The following XPO4 variants were observed in gnomAD, a reference collection of about 807,000 sequenced individuals.
XPO4 encodes exportin 4.
A neutral mutation model predicts 143.0 loss-of-function variants in XPO4; 39 were observed. The ratio of observed to expected loss-of-function variants is 0.27; its 90% confidence interval spans 0.21 to 0.36. The LOEUF (loss-of-function observed/expected upper bound fraction) is 0.36. Among genes scored for constraint, XPO4 ranks in the 10% least tolerant of loss-of-function variants. The pLI is 1.00. For missense variants in XPO4, 907 were observed against 1,348.0 expected (o/e 0.67, Z 5.12); for synonymous variants, 439 against 474.0 (o/e 0.93, Z 0.96).
chr13:20,809,138 T>C lies in XPO4; in HGVS notation c.1438A>G (p.Ser480Gly). Residue 480 changes from serine to glycine, a missense_variant, in exon 11 of 23, where the codon AGT (serine) becomes GGT (glycine). Transcript: ENST00000255305. The stretch of plus-strand genomic sequence containing the variant: ...GCAATTCTTCCTAGCATTCCTACAC[T>C]GGCCAGTTGATCAGAAAACTGGTCT... ...DRDQFSDQLA[S>G]VGMLGRIAAE... 1 of 1,614,206 alleles carries C rather than the reference T, an allele frequency of 6.2e-7. No homozygotes were observed. The highest frequency in any genetic ancestry group is 1.1e-5 in the South Asian group (1 of 91,086).
intron 6 of XPO4, among the ~76,000 whole-genome samples, chr13:20,835,377 C>T (rs2059903529): frequency 2.0e-5 from 3 of 152,174 alleles, no homozygotes; most frequent in African/African-American, 7.2e-5. Context: ...ACTTCTACCA[C>T]TGTGTTCCTC....
At chr13:20,852,330 T>C (rs905613756) in intron 4 of XPO4, 33 of 985,304 alleles carry the variant, frequency 3.3e-5, no homozygotes, top group African/African-American at 8.7e-5. Context: ...ATTCAGGGCA[T>C]TGGGGGCAAG....
At chr13:20,810,113 A>C in intron 9 of XPO4, 146 bp from the exon 10 acceptor site, 1 of 560,986 alleles carries the variant, frequency 1.8e-6, no homozygotes, top group South Asian at 5.4e-5. Flanking sequence ...ACTTTCTAAA[A>C]TCTTTCTAAG....
intron 6 of XPO4, among the ~76,000 whole-genome samples, chr13:20,828,004 A>C (rs2059805332): frequency 6.6e-6 from 1 of 152,186 alleles, no homozygotes; most frequent in African/African-American, 2.4e-5. Context: ...TTGGGAGGCC[A>C]AGGCAGGCGG....
chr13:20,888,011 C>T (rs558036857), intron 1 of XPO4, among the ~76,000 whole-genome samples: 1 of 150,948 alleles, frequency 6.6e-6, no homozygotes, highest in Non-Finnish European at 1.5e-5. Context: ...CCTGTCTCTA[C>T]GAAAAATAGA....
intron 2 of XPO4, 99 bp from the exon 3 acceptor site, chr13:20,862,957 T>C (rs2060215343): frequency 1.3e-6 from 2 of 1,550,866 alleles, no homozygotes; most frequent in East Asian, 4.5e-5. Context: ...AGACAAGGAA[T>C]AAGATGGTTA....
At chr13:20,817,704 C>T (rs2059667303) in intron 9 of XPO4, among the ~76,000 whole-genome samples, 1 of 152,178 alleles carries the variant, frequency 6.6e-6, no homozygotes, top group Admixed American at 6.5e-5. Context: ...TAGTCATATT[C>T]TCCTTGAATT....
chr13:20,841,063 A>C (rs1403676941), intron 6 of XPO4, among the ~76,000 whole-genome samples: 1 of 152,192 alleles, frequency 6.6e-6, no homozygotes, highest in Non-Finnish European at 1.5e-5. Flanking sequence ...TCTTTTTATA[A>C]AATAGTCACT....
At chr13:20,815,396 G>A (rs1444029428) in intron 9 of XPO4, among the ~76,000 whole-genome samples, 1 of 152,146 alleles carries the variant, frequency 6.6e-6, no homozygotes, top group African/African-American at 2.4e-5. Flanking sequence ...GTGAGGGTGG[G>A]GAGGCTGCAT....
chr13:20,887,716 C>T (rs1473755956), intron 1 of XPO4, among the ~76,000 whole-genome samples: 1 of 151,718 alleles, frequency 6.6e-6, no homozygotes, highest in South Asian at 2.1e-4. Context: ...TTTCAATTAG[C>T]CTGGCGTGGT....
Position 20,778,080 on chromosome 13 carries a change from G to A in XPO4, c.*5642C>T, listed in dbSNP as rs2059103902. 6.6e-6 allele frequency: 1 copy of A among 152,130 alleles called. No individual in the cohort carries two copies. The highest frequency in any genetic ancestry group is 1.5e-5 in the Non-Finnish European group (1 of 68,020). The allele number at this position is 152,130 out of a possible 1,614,324, so 9.4% of individuals were successfully genotyped here. On this transcript the variant is annotated 3_prime_UTR_variant, in exon 23 of 23. Coordinates refer to ENST00000255305, the MANE Select transcript of XPO4 (RefSeq NM_022459.5). ...AGCCTGTCAAAGGCATCACTCATAAGCAACCGAATTGTATTTTTGGAGAGC... is the reference window on the plus strand; with the variant it reads ...AGCCTGTCAAAGGCATCACTCATAAACAACCGAATTGTATTTTTGGAGAGC...
chr13:20,873,881 A>T (rs2060327152), intron 1 of XPO4, among the ~76,000 whole-genome samples: 1 of 152,174 alleles, frequency 6.6e-6, no homozygotes, highest in East Asian at 1.9e-4. Context: ...ATTAACAACA[A>T]CATCTACTAC....
intron 6 of XPO4, 42 bp from the exon 7 acceptor site, chr13:20,827,221 T>C: frequency 7.1e-7 from 1 of 1,404,232 alleles, no homozygotes; most frequent in Non-Finnish European, 1.0e-6. Context: ...ATTCTTACTT[T>C]GTCTAAAGTA....
rs145973621 is a variant in XPO4 at position 20,839,179 on chromosome 13, G to A, written c.727+3716C>T. Reference sequence around the variant, plus strand: ...CTCAGGAGGCTGAGGCAGGAGAATCGCCTGCACCCAGAAGGCAGAGGTTGC... The same window carrying A: ...CTCAGGAGGCTGAGGCAGGAGAATCACCTGCACCCAGAAGGCAGAGGTTGC... On this transcript the variant is annotated intron_variant, in intron 6 of 22. Coordinates refer to ENST00000255305, the MANE Select transcript of XPO4 (RefSeq NM_022459.5). 6.3e-3 allele frequency among the ~76,000 whole-genome samples: 960 copies of A among 152,208 alleles called. 15 individuals carry two copies. The highest frequency in any genetic ancestry group is 0.022 in the African/African-American group (906 of 41,510).
chr13:20,847,262 T>C (rs1017176532), intron 4 of XPO4, among the ~76,000 whole-genome samples: 5 of 152,212 alleles, frequency 3.3e-5, no homozygotes, highest in African/African-American at 1.2e-4. Context: ...ATAGGGGAAT[T>C]AAACATATCA....
At chr13:20,808,322 T>C in intron 12 of XPO4, 114 bp downstream of exon 12, 8 of 1,158,606 alleles carry the variant, frequency 6.9e-6, no homozygotes, top group Non-Finnish European at 9.1e-6. Flanking sequence ...AATGGCTGTA[T>C]CCAAATTTTA....
chr13:20,873,380 A>T (rs1464855180), intron 1 of XPO4, among the ~76,000 whole-genome samples: 1 of 152,184 alleles, frequency 6.6e-6, no homozygotes, highest in Non-Finnish European at 1.5e-5. Context: ...AATGGTTTCT[A>T]TTCAAAGAGT....
At chr13:20,802,806 T>C (rs1244339088) in intron 13 of XPO4, among the ~76,000 whole-genome samples, 2 of 152,218 alleles carry the variant, frequency 1.3e-5, no homozygotes, top group Admixed American at 6.5e-5. Context: ...ACATTTTCAA[T>C]GACCATAAGA....
intron 9 of XPO4, among the ~76,000 whole-genome samples, chr13:20,811,921 T>C (rs548027039): frequency 1.3e-5 from 2 of 152,166 alleles, no homozygotes; most frequent in African/African-American, 4.8e-5. Flanking sequence ...GGAATCCAAG[T>C]GGGAATGTTC....
Sources: gnomAD v4.1 joint callset for allele counts (sites outside exome capture counted in the v4.1 genomes callset) on GRCh38, gnomAD v4.1.1 for gene constraint, MANE v1.5 for transcripts, NCBI Gene and HGNC (gene_info 2026-07-23, HGNC 2026-07-21) for gene names.